The following DAB1 variants were observed in gnomAD, a reference collection of about 807,000 sequenced individuals.
The protein encoded by DAB1 is disabled homolog 1.
DAB1 carries 15 observed loss-of-function variants against 64.6 expected under a neutral mutation model. The observed-to-expected ratio is 0.23, with a 90% CI of 0.16 to 0.36. DAB1 has a LOEUF of 0.36. Among genes scored for constraint, DAB1 ranks in the 10% least tolerant of loss-of-function variants. The pLI is 1.00. For missense variants in DAB1, 596 were observed against 706.7 expected (o/e 0.84, Z 1.78); for synonymous variants, 235 against 251.9 (o/e 0.93, Z 0.64).
chr1:57,091,666 C>T lies in DAB1; in HGVS notation c.307-19252G>A, dbSNP rs567888902. Among the ~76,000 whole-genome samples the T allele has an allele frequency of 4.6e-5, 7 of 152,296 alleles. No individual in the cohort carries two copies. In the South Asian group the frequency reaches 1.2e-3, roughly 27 times the overall value. On this transcript the variant is annotated intron_variant, in intron 4 of 14. Transcript: ENST00000371236. ...GGAACCAGACTGCCTGGGGGCCCTG[C>T]CACTTACCAGCTATGTGACCTTTGC...
chr1:58,310,135 A>G (rs923950509), intron 4 of DAB1, among the ~76,000 whole-genome samples: 6 of 152,170 alleles, frequency 3.9e-5, no homozygotes, highest in Non-Finnish European at 8.8e-5. Context: ...TAAAGAGAAT[A>G]TCACATGGGG....
intron 3 of DAB1, among the ~76,000 whole-genome samples, chr1:58,390,520 C>T (rs1644467531): frequency 6.6e-6 from 1 of 152,286 alleles, no homozygotes; most frequent in Middle Eastern, 3.4e-3. Context: ...AGAACGCAAT[C>T]GTGGAGTCAG....
intron 7 of DAB1, among the ~76,000 whole-genome samples, chr1:57,456,760 A>T (rs1476771110): frequency 6.6e-6 from 1 of 152,176 alleles, no homozygotes; most frequent in Non-Finnish European, 1.5e-5. Flanking sequence ...TAAGAAAGGC[A>T]TGATTCTAAG....
chr1:57,926,363 C>T (rs1018232359), intron 5 of DAB1, among the ~76,000 whole-genome samples: 2 of 152,156 alleles, frequency 1.3e-5, no homozygotes, highest in African/African-American at 4.8e-5. Context: ...ATTAGCTACA[C>T]ATTATATATT....
At chr1:57,670,899 T>C (rs533028483) in intron 6 of DAB1, among the ~76,000 whole-genome samples, 1 of 152,126 alleles carries the variant, frequency 6.6e-6, no homozygotes, top group Admixed American at 6.6e-5. Context: ...AAACCCACAG[T>C]GTTCATGTCC....
intron 6 of DAB1, among the ~76,000 whole-genome samples, chr1:57,660,298 C>A (rs753977689): frequency 2.2e-4 from 34 of 152,030 alleles, no homozygotes; most frequent in Non-Finnish European, 3.7e-4. Context: ...AAATCATGAC[C>A]AAATCCACAC....
At chr1:58,300,552 GAAAGAAAGA>G (rs1662101099) in intron 4 of DAB1, among the ~76,000 whole-genome samples, 2 of 18,616 alleles carry the variant, frequency 1.1e-4, no homozygotes. Context: ...TGAAAAGAAA[GAAAGAAAGA>G]AAGAAAGAAA....
At chr1:58,379,305 CAAT>C (rs1436024623) in intron 3 of DAB1, among the ~76,000 whole-genome samples, 1 of 152,176 alleles carries the variant, frequency 6.6e-6, no homozygotes, top group Non-Finnish European at 1.5e-5. Context: ...TTGTTTAAAT[CAAT>C]AATTTTTAAA....
intron 3 of DAB1, among the ~76,000 whole-genome samples, chr1:58,390,103 C>G (rs1445955810): frequency 6.6e-6 from 1 of 152,016 alleles, no homozygotes; most frequent in Non-Finnish European, 1.5e-5. Flanking sequence ...TGAGGGGAGG[C>G]TGGGGGAAGG....
chr1:57,850,815 T>A (rs1653488285), intron 1 of DAB1, among the ~76,000 whole-genome samples: 1 of 152,206 alleles, frequency 6.6e-6, no homozygotes, highest in South Asian at 2.1e-4. Flanking sequence ...AAAACAGCTG[T>A]GCGTGACTTG....
chr1:57,197,653 C>T lies in DAB1; in HGVS notation c.68-52224G>A, dbSNP rs952149392. ...CCAGATTCATCTAATTCCAAATCCA[C>T]GGACTACTCAGGAGAGCACATGGTT... On this transcript the variant is annotated intron_variant, in intron 2 of 14. Transcript: ENST00000371236. 3.3e-5 allele frequency among the ~76,000 whole-genome samples: 5 copies of T among 152,324 alleles called. No homozygotes were observed. The East Asian group carries it at 7.7e-4, about 23-fold the overall frequency.
chr1:57,083,643 A>T (rs932558685), intron 4 of DAB1, among the ~76,000 whole-genome samples: 1 of 152,202 alleles, frequency 6.6e-6, no homozygotes, highest in Non-Finnish European at 1.5e-5. Flanking sequence ...GAAACTTACA[A>T]AAAAGTGAAT....
intron 2 of DAB1, among the ~76,000 whole-genome samples, chr1:57,162,946 C>T (rs976119482): frequency 6.6e-6 from 1 of 152,206 alleles, no homozygotes; most frequent in Non-Finnish European, 1.5e-5. Flanking sequence ...CTGGAAGAGA[C>T]AGTGACTAAG....
intron 3 of DAB1, among the ~76,000 whole-genome samples, chr1:58,494,371 G>T (rs1054185080): frequency 4.6e-5 from 7 of 152,104 alleles, no homozygotes; most frequent in Non-Finnish European, 7.4e-5. Flanking sequence ...AGGACTTCAT[G>T]TCTAAAACAC....
At chr1:57,917,382 A>G (rs1293684563) in intron 5 of DAB1, among the ~76,000 whole-genome samples, 2 of 152,200 alleles carry the variant, frequency 1.3e-5, no homozygotes, top group African/African-American at 4.8e-5. Context: ...TTGAAAAAGG[A>G]AGGCTCATTT....
At chr1:57,621,785 T>C (rs1645862737) in intron 7 of DAB1, among the ~76,000 whole-genome samples, 1 of 152,246 alleles carries the variant, frequency 6.6e-6, no homozygotes, top group Non-Finnish European at 1.5e-5. Flanking sequence ...CTCATTTGTA[T>C]GGTTTCATTG....
At chr1:57,565,681 C>T (rs527352235) in intron 7 of DAB1, among the ~76,000 whole-genome samples, 31 of 152,184 alleles carry the variant, frequency 2.0e-4, no homozygotes, top group African/African-American at 7.2e-4. Flanking sequence ...ACAAAGAAGG[C>T]CATTACATAA....
chr1:57,576,667 T>C (rs567982443), intron 7 of DAB1, among the ~76,000 whole-genome samples: 107 of 152,336 alleles, frequency 7.0e-4, no homozygotes, highest in African/African-American at 2.4e-3. Flanking sequence ...TCTGTTGTTT[T>C]AAGATTCAAT....
chr1:57,374,157 T>C (rs1680717051), intron 1 of DAB1, among the ~76,000 whole-genome samples: 1 of 148,844 alleles, frequency 6.7e-6, no homozygotes. Flanking sequence ...GTTTTAACAG[T>C]AAACCTTTGT....
Sources: gnomAD v4.1 joint callset for allele counts (sites outside exome capture counted in the v4.1 genomes callset) on GRCh38, gnomAD v4.1.1 for gene constraint, MANE v1.5 for transcripts, NCBI Gene and HGNC (gene_info 2026-07-23, HGNC 2026-07-21) for gene names.